The following JMJD1C variants were observed in gnomAD, a reference collection of about 807,000 sequenced individuals.
JMJD1C encodes jumonji domain containing 1C.
In JMJD1C, 31 loss-of-function variants were observed where a neutral mutation model predicts 245.3. The ratio of observed to expected loss-of-function variants is 0.13; its 90% CI spans 0.09 to 0.17. The LOEUF (loss-of-function observed/expected upper bound fraction) is 0.17, where lower values mean the gene tolerates loss of function less well. Among genes scored for constraint, JMJD1C ranks in the 10% least tolerant of loss-of-function variants. The pLI, the probability that JMJD1C is intolerant of heterozygous loss-of-function variation, is 1.00. For synonymous variants in JMJD1C, 1,057 were observed against 1,017.4 expected (o/e 1.04, Z -0.74); for missense variants, 2,691 against 3,000.2 (o/e 0.90, Z 2.41).
At chr10:63,219,247 G>A (rs557997835) in intron 4 of JMJD1C, among the ~76,000 whole-genome samples, 88 of 152,222 alleles carry the variant, frequency 5.8e-4, no homozygotes, top group Admixed American at 1.9e-3. Flanking sequence ...GGAAGTTGAC[G>A]GTTGAGATAG....
chr10:63,347,841 G>C (rs1458812339), intron 2 of JMJD1C, among the ~76,000 whole-genome samples: 4 of 151,768 alleles, frequency 2.6e-5, no homozygotes, highest in Admixed American at 6.6e-5. Context: ...TTCAACCCAG[G>C]GGGTGGAAGT....
intron 2 of JMJD1C, among the ~76,000 whole-genome samples, chr10:63,345,689 C>G (rs778718286): frequency 6.6e-6 from 1 of 152,034 alleles, no homozygotes; most frequent in Non-Finnish European, 1.5e-5. Flanking sequence ...GGGGGCAGCA[C>G]AGGAAAATTT....
In JMJD1C at chr10:63,179,569, T is replaced by C. The variant is rs1451908488; in HGVS notation, c.7085-1713A>G. Among the ~76,000 whole-genome samples, 3 of 152,018 alleles carry C rather than the reference T, an allele frequency of 2.0e-5. No individual in the cohort carries two copies. In the East Asian group the frequency reaches 5.8e-4, roughly 29 times the overall value. On this transcript the variant is annotated intron_variant, in intron 22 of 25. Transcript: ENST00000399262. ...GAGTGGATCACTTGAGCCCAGGAGT[T>C]TGAGACCAGCCTGAGTAACATGGTA... is the stretch of plus-strand genomic sequence containing the variant.
intron 1 of JMJD1C, among the ~76,000 whole-genome samples, chr10:63,477,567 A>C (rs1216515821): frequency 1.3e-5 from 2 of 151,882 alleles, no homozygotes. Flanking sequence ...AAAAAAAAAA[A>C]AAACAACGAA....
At chr10:63,308,339 C>A (rs1351132440) in intron 2 of JMJD1C, among the ~76,000 whole-genome samples, 3 of 152,040 alleles carry the variant, frequency 2.0e-5, no homozygotes, top group African/African-American at 4.8e-5. Context: ...TTCTAGTATA[C>A]TGGAGTTTGA....
At chr10:63,346,682 G>A (rs1943842444) in intron 2 of JMJD1C, among the ~76,000 whole-genome samples, 1 of 151,828 alleles carries the variant, frequency 6.6e-6, no homozygotes, top group Non-Finnish European at 1.5e-5. Context: ...CAGCCTCTCT[G>A]AATCTGCTCT....
At chr10:63,191,897 A>C (rs1271739025) in intron 16 of JMJD1C, among the ~76,000 whole-genome samples, 21 of 7,706 alleles carry the variant, frequency 2.7e-3, no homozygotes, top group African/African-American at 4.5e-3. Context: ...AGGCACAAGA[A>C]TCGCTGGAAC....
chr10:63,237,980 C>T (rs970493217), intron 3 of JMJD1C, among the ~76,000 whole-genome samples: 1 of 127,988 alleles, frequency 7.8e-6, no homozygotes, highest in Non-Finnish European at 1.6e-5. Flanking sequence ...ACCAGCCTGG[C>T]CAACACAGTG....
chr10:63,501,573 C>T (rs537120909), intron 1 of JMJD1C, among the ~76,000 whole-genome samples: 7 of 152,186 alleles, frequency 4.6e-5, no homozygotes, highest in Non-Finnish European at 8.8e-5. Context: ...GTCAGGAGAT[C>T]GAGACCATCC....
intron 3 of JMJD1C, among the ~76,000 whole-genome samples, chr10:63,250,621 C>T (rs938340066): frequency 1.3e-5 from 2 of 152,104 alleles, no homozygotes; most frequent in African/African-American, 4.8e-5. Flanking sequence ...TTGTTAAACA[C>T]TGGAAGGAAC....
chr10:63,478,238 C>T (rs1953722424), intron 1 of JMJD1C, among the ~76,000 whole-genome samples: 1 of 152,156 alleles, frequency 6.6e-6, no homozygotes, highest in African/African-American at 2.4e-5. Context: ...TAAAGTTAAA[C>T]ATATACTTTT....
At chr10:63,421,265 C>T (rs1015367699) in intron 1 of JMJD1C, among the ~76,000 whole-genome samples, 4 of 152,016 alleles carry the variant, frequency 2.6e-5, no homozygotes, top group African/African-American at 9.7e-5. Flanking sequence ...ATCCGGGAGG[C>T]GGAGGTTGAG....
In JMJD1C at chr10:63,242,733, A is replaced by G. The variant is rs554620620; in HGVS notation, c.447+21918T>C. On this transcript the variant is annotated intron_variant, in intron 3 of 25. Transcript: ENST00000399262. ...AGAGCGAGACTCTGTCTCAAAAACA[A>G]AAACAGATTACTTTTCTAATGAGTC... Among the ~76,000 whole-genome samples, 17 of 152,228 alleles carry G rather than the reference A, an allele frequency of 1.1e-4. No individual in the cohort carries two copies. In the East Asian group the frequency reaches 1.7e-3, roughly 16 times the overall value.
At chr10:63,321,744 T>G (rs949230163) in intron 2 of JMJD1C, among the ~76,000 whole-genome samples, 1 of 152,138 alleles carries the variant, frequency 6.6e-6, no homozygotes, top group African/African-American at 2.4e-5. Context: ...TCTGATACTT[T>G]ACAAGTGTAC....
chr10:63,393,217 G>T (rs763636534), intron 1 of JMJD1C, among the ~76,000 whole-genome samples: 2 of 152,090 alleles, frequency 1.3e-5, no homozygotes, highest in Non-Finnish European at 2.9e-5. Context: ...GAAGTGACCT[G>T]TGATCGCACC....
intron 1 of JMJD1C, among the ~76,000 whole-genome samples, chr10:63,391,508 T>TCAA (rs140504932): frequency 0.41 from 60,772 of 149,208 alleles, 12,768 homozygotes; most frequent in South Asian, 0.48. Flanking sequence ...AGACTCCGTC[T>TCAA]CAACAACAAC....
chr10:63,433,054 A>C (rs1311561897), intron 1 of JMJD1C, among the ~76,000 whole-genome samples: 1 of 152,138 alleles, frequency 6.6e-6, no homozygotes, highest in African/African-American at 2.4e-5. Flanking sequence ...TTTCCTATAT[A>C]CATGGATCTC....
intron 1 of JMJD1C, among the ~76,000 whole-genome samples, chr10:63,474,796 G>A (rs1271520404): frequency 6.6e-6 from 1 of 151,816 alleles, no homozygotes; most frequent in East Asian, 1.9e-4. Context: ...AGAGAAGACT[G>A]AAGGTAATGG....
intron 3 of JMJD1C, among the ~76,000 whole-genome samples, 156 bp from the exon 4 acceptor site, chr10:63,220,139 G>C (rs1349739615): frequency 6.6e-6 from 1 of 152,182 alleles, no homozygotes; most frequent in Non-Finnish European, 1.5e-5. Context: ...ATTGGCAATT[G>C]TGTAACAAAA....
Sources: gnomAD v4.1 joint callset for allele counts (sites outside exome capture counted in the v4.1 genomes callset) on GRCh38, gnomAD v4.1.1 for gene constraint, MANE v1.5 for transcripts, NCBI Gene and HGNC (gene_info 2026-07-23, HGNC 2026-07-21) for gene names.